TMEM217: variants seen among roughly 807,000 people sequenced by gnomAD.
TMEM217 encodes transmembrane protein 217, also known as chromosome 6 open reading frame 128.
For missense variants in TMEM217, 204 were observed against 248.8 expected (o/e 0.82, Z 1.21); for synonymous variants, 76 against 88.3 (o/e 0.86, Z 0.78).
chr6:37,229,335 G>GTTTTTTTTTTTTTTTTTTTTTTTTTTTT (rs372385535), intron 1 of TMEM217, among the ~76,000 whole-genome samples: 1 of 74,368 alleles, frequency 1.3e-5, no homozygotes, highest in Admixed American at 2.3e-4. Context: ...GCAACTTTCA[G>GTTTTTTTTTTTTTTTTTTTTTTTTTTTT]TTTTTTTTTT....
chr6:37,225,523 T>C (rs1380634427), intron 1 of TMEM217, among the ~76,000 whole-genome samples: 1 of 152,196 alleles, frequency 6.6e-6, no homozygotes, highest in East Asian at 1.9e-4. Flanking sequence ...AAAAGACATG[T>C]AATCTAATCT....
intron 1 of TMEM217, among the ~76,000 whole-genome samples, chr6:37,244,153 T>C (rs962193814): frequency 7.2e-4 from 109 of 152,280 alleles, no homozygotes; most frequent in African/African-American, 2.5e-3. Context: ...ACAAAGGTGG[T>C]TTAGTTTTGG....
chr6:37,219,100 A>C, intron 1 of TMEM217, 59 bp from the exon 2 acceptor site: 1 of 1,463,788 alleles, frequency 6.8e-7, no homozygotes, highest in Non-Finnish European at 9.3e-7. Flanking sequence ...GTAAATTACC[A>C]GGGTTTCTGC....
intron 1 of TMEM217, among the ~76,000 whole-genome samples, chr6:37,251,934 C>T (rs1384559231): frequency 1.3e-5 from 2 of 152,110 alleles, no homozygotes; most frequent in Non-Finnish European, 1.5e-5. Flanking sequence ...ACTCTTGTTG[C>T]CCAGGCTGGA....
At chr6:37,226,355 C>T (rs1402210101) in intron 1 of TMEM217, among the ~76,000 whole-genome samples, 2 of 131,824 alleles carry the variant, frequency 1.5e-5, no homozygotes, top group African/African-American at 5.8e-5. Context: ...TGCAGTGGCG[C>T]TATCTTGGCT....
intron 1 of TMEM217, 114 bp from the exon 2 acceptor site, chr6:37,219,155 A>G (rs368508435): frequency 5.5e-6 from 5 of 914,558 alleles, no homozygotes; most frequent in East Asian, 2.5e-5. Flanking sequence ...CAGAAATACG[A>G]AAACTGGGAA....
chr6:37,218,755 C>T (rs370609002), exon 2 of TMEM217: 47 of 1,613,982 alleles, frequency 2.9e-5, no homozygotes, highest in Non-Finnish European at 3.8e-5. Flanking sequence ...TGACCAGGCC[C>T]CTGAAGATCT....
intron 1 of TMEM217, among the ~76,000 whole-genome samples, chr6:37,230,398 G>C (rs1182843501): frequency 6.6e-6 from 1 of 152,174 alleles, no homozygotes; most frequent in East Asian, 1.9e-4. Flanking sequence ...CTCGTCACCA[G>C]GGATTTCAAT....
At chr6:37,254,992 G>C (rs1765638051) in intron 1 of TMEM217, among the ~76,000 whole-genome samples, 1 of 152,186 alleles carries the variant, frequency 6.6e-6, no homozygotes. Context: ...AAACTCCTGT[G>C]AGAATCTGCT....
At chr6:37,239,494 A>C (rs1434239658) in intron 1 of TMEM217, among the ~76,000 whole-genome samples, 3 of 151,998 alleles carry the variant, frequency 2.0e-5, no homozygotes, top group Admixed American at 1.3e-4. Context: ...ATAAATAAAT[A>C]AATAAATAAA....
At chr6:37,213,148 C>A (rs558260254), downstream of TMEM217, among the ~76,000 whole-genome samples, 56 of 152,276 alleles carry the variant, frequency 3.7e-4, no homozygotes, top group African/African-American at 1.3e-3. Flanking sequence ...TGGGGTCTGG[C>A]CCGTGCTCTG....
At chr6:37,213,502 C>A (rs185775025), downstream of TMEM217, among the ~76,000 whole-genome samples, 7 of 152,364 alleles carry the variant, frequency 4.6e-5, no homozygotes, top group East Asian at 1.2e-3. Context: ...CATGGCCCAG[C>A]CTTGTCCCAA....
intron 1 of TMEM217, among the ~76,000 whole-genome samples, chr6:37,227,396 G>A (rs148527851): frequency 0.012 from 1,889 of 151,906 alleles, 28 homozygotes; most frequent in Middle Eastern, 0.068. Context: ...CCATCTATGC[G>A]GCAAAACTTC....
In TMEM217 at chr6:37,242,861, G is replaced by T. The variant is rs547723870; in HGVS notation, c.-12+14707C>A. Among the ~76,000 whole-genome samples, 47 of 152,250 alleles carry T rather than the reference G, an allele frequency of 3.1e-4. No individual in the cohort carries two copies. In the South Asian group the frequency reaches 9.5e-3, roughly 31 times the overall value. On this transcript the variant is annotated intron_variant, in intron 1 of 1. Coordinates refer to ENST00000357219, the Ensembl canonical transcript of TMEM217. ...CCAGTGACTCACACCAGTATCCCAG[G>T]CAGGAGTGTGCCAGTAAGCTCTCTT...
chr6:37,228,995 T>G (rs1204846456), intron 1 of TMEM217, among the ~76,000 whole-genome samples: 1 of 149,830 alleles, frequency 6.7e-6, no homozygotes, highest in African/African-American at 2.5e-5. Context: ...AGACTCCGTC[T>G]CAAAAAAAAA....
intron 1 of TMEM217, among the ~76,000 whole-genome samples, chr6:37,233,771 TAACG>T (rs945380153): frequency 1.1e-4 from 16 of 152,296 alleles, no homozygotes; most frequent in African/African-American, 2.4e-4. Context: ...AGTCGCTAAC[TAACG>T]AAGTTACTAA....
intron 1 of TMEM217, among the ~76,000 whole-genome samples, chr6:37,241,138 T>G (rs1267816406): frequency 1.3e-5 from 2 of 149,518 alleles, no homozygotes; most frequent in African/African-American, 2.5e-5. Flanking sequence ...TTGCTCTGTC[T>G]CCCAGGCTGG....
At chr6:37,232,900 T>G (rs1764281794) in intron 1 of TMEM217, among the ~76,000 whole-genome samples, 1 of 152,224 alleles carries the variant, frequency 6.6e-6, no homozygotes, top group Admixed American at 6.5e-5. Flanking sequence ...AGCTTCCTTC[T>G]GCTTATTCCT....
At chr6:37,244,030 T>A (rs1764935525) in intron 1 of TMEM217, among the ~76,000 whole-genome samples, 1 of 152,240 alleles carries the variant, frequency 6.6e-6, no homozygotes, top group Non-Finnish European at 1.5e-5. Context: ...CTGGGGAAGT[T>A]ACAAATTTTG....
Sources: allele counts gnomAD v4.1 joint callset (sites outside exome capture counted in the v4.1 genomes callset), GRCh38; gene constraint gnomAD v4.1.1; transcripts MANE v1.5; gene names NCBI Gene and HGNC (gene_info 2026-07-23, HGNC 2026-07-21).